Variants in SNTG1 observed in about 807,000 individuals in gnomAD.
SNTG1 encodes the protein gamma-1-syntrophin.
Under a neutral mutation model 74.7 loss-of-function variants are expected in SNTG1, and 39 were observed. The ratio of observed to expected loss-of-function variants is 0.52; its 90% CI spans 0.40 to 0.68. The LOEUF (loss-of-function observed/expected upper bound fraction) is 0.68. Among genes scored for constraint, SNTG1 ranks in the 30% least tolerant of loss-of-function variants. The probability of loss-of-function intolerance (pLI) is 0.00; values close to 1 mark genes in which losing one functional copy is unlikely to be tolerated. For synonymous variants in SNTG1, 254 were observed against 217.1 expected (o/e 1.17, Z -1.49); for missense variants, 685 against 609.5 (o/e 1.12, Z -1.30).
intron 1 of SNTG1, among the ~76,000 whole-genome samples, chr8:50,045,532 C>G (rs1219301997): frequency 1.3e-5 from 2 of 152,100 alleles, no homozygotes; most frequent in Non-Finnish European, 2.9e-5. Flanking sequence ...GATTACAATT[C>G]AACATAAGAT....
chr8:50,629,583 GTTAT>G (rs538821854), intron 13 of SNTG1, among the ~76,000 whole-genome samples: 80 of 152,008 alleles, frequency 5.3e-4, no homozygotes, highest in African/African-American at 1.5e-3. Flanking sequence ...ATGTCTGGAG[GTTAT>G]TTAAGTGTGT....
intron 8 of SNTG1, among the ~76,000 whole-genome samples, chr8:50,465,572 T>A (rs1026794191): frequency 6.6e-6 from 1 of 152,212 alleles, no homozygotes; most frequent in African/African-American, 2.4e-5. Context: ...ATAGTTTCAC[T>A]GCCCTAAAAA....
intron 2 of SNTG1, among the ~76,000 whole-genome samples, chr8:50,310,697 T>C (rs1278170626): frequency 2.0e-5 from 3 of 152,000 alleles, no homozygotes; most frequent in Non-Finnish European, 1.5e-5. Context: ...CCAAAATGAG[T>C]AAGTAAACAA....
At chr8:50,760,612 T>C (rs2095595729) in intron 18 of SNTG1, among the ~76,000 whole-genome samples, 1 of 151,332 alleles carries the variant, frequency 6.6e-6, no homozygotes, top group Non-Finnish European at 1.5e-5. Context: ...ATCAACAAAA[T>C]GGATAGACCT....
intron 9 of SNTG1, among the ~76,000 whole-genome samples, chr8:50,525,507 A>G (rs546742721): frequency 2.9e-4 from 44 of 152,138 alleles, no homozygotes; most frequent in Non-Finnish European, 5.6e-4. Flanking sequence ...TAAAGTGTCT[A>G]TTGGTCTGCT....
intron 13 of SNTG1, among the ~76,000 whole-genome samples, chr8:50,631,467 T>A (rs1170114804): frequency 1.3e-5 from 2 of 152,196 alleles, no homozygotes; most frequent in Admixed American, 1.3e-4. Context: ...TTCTTTTTAT[T>A]TTTTTGGAAT....
intron 2 of SNTG1, among the ~76,000 whole-genome samples, chr8:50,259,959 G>C (rs1487048763): frequency 6.6e-6 from 1 of 152,158 alleles, no homozygotes; most frequent in African/African-American, 2.4e-5. Context: ...AGGAGTACCT[G>C]TCTTAGAAGG....
chr8:50,676,924 C>T (rs936788056), intron 15 of SNTG1, among the ~76,000 whole-genome samples: 10 of 151,848 alleles, frequency 6.6e-5, no homozygotes, highest in African/African-American at 9.7e-5. Flanking sequence ...GTCACTTTAT[C>T]TCATTAAGAA....
At chr8:50,307,340 T>C (rs1378705715) in intron 2 of SNTG1, among the ~76,000 whole-genome samples, 1 of 152,068 alleles carries the variant, frequency 6.6e-6, no homozygotes, top group African/African-American at 2.4e-5. Context: ...TTAAGCACTG[T>C]TCAACACAAT....
chr8:50,090,068 A>G (rs1276145084), intron 1 of SNTG1, among the ~76,000 whole-genome samples: 1 of 152,256 alleles, frequency 6.6e-6, no homozygotes, highest in Non-Finnish European at 1.5e-5. Flanking sequence ...AGTAACACAT[A>G]GAAATTAAAC....
At chr8:50,048,173 T>C (rs918421020) in intron 1 of SNTG1, among the ~76,000 whole-genome samples, 1 of 152,194 alleles carries the variant, frequency 6.6e-6, no homozygotes, top group African/African-American at 2.4e-5. Flanking sequence ...CAGGCAAATT[T>C]ATTAAATCTT....
At chr8:50,699,953 G>T (rs2095417920) in intron 15 of SNTG1, among the ~76,000 whole-genome samples, 1 of 151,974 alleles carries the variant, frequency 6.6e-6, no homozygotes, top group African/African-American at 2.4e-5. Context: ...TTCCACTTTA[G>T]TGATGAGTGA....
intron 4 of SNTG1, among the ~76,000 whole-genome samples, chr8:50,421,879 A>G (rs552771135): frequency 8.3e-4 from 127 of 152,318 alleles, no homozygotes; most frequent in African/African-American, 2.6e-3. Context: ...TCTTGAAATT[A>G]CAGACATAAT....
chr8:49,974,825 T>G (rs1030264461), intron 1 of SNTG1, among the ~76,000 whole-genome samples: 5 of 152,204 alleles, frequency 3.3e-5, no homozygotes, highest in African/African-American at 1.2e-4. Context: ...GCCACATATG[T>G]TAATATATAT....
chr8:50,044,580 C>A (rs1818917692), intron 1 of SNTG1, among the ~76,000 whole-genome samples: 1 of 152,138 alleles, frequency 6.6e-6, no homozygotes, highest in African/African-American at 2.4e-5. Context: ...GGAGGTGTGG[C>A]ATGGAGCCTA....
rs180716718 is a variant in SNTG1 at position 50,572,501 on chromosome 8, C to T, written c.811-18378C>T. ...TAGGAAAATAAAGTTTAAGAAAGCT[C>T]ACTCAGATATAATATCTAATCATCC... On this transcript the variant is annotated intron_variant, in intron 12 of 18. Transcript: ENST00000642720. Among the ~76,000 whole-genome samples, 7 of 152,150 alleles carry T rather than the reference C, an allele frequency of 4.6e-5. No individual in the cohort carries two copies. The South Asian group carries it at 8.3e-4, about 18-fold the overall frequency.
intron 18 of SNTG1, among the ~76,000 whole-genome samples, chr8:50,785,869 C>A (rs1379511553): frequency 6.6e-6 from 1 of 151,848 alleles, no homozygotes; most frequent in African/African-American, 2.4e-5. Flanking sequence ...ATCTTAAAAT[C>A]AATCAGAGCA....
At chr8:50,681,658 C>T (rs1184256800) in intron 15 of SNTG1, among the ~76,000 whole-genome samples, 4 of 152,050 alleles carry the variant, frequency 2.6e-5, no homozygotes, top group Middle Eastern at 3.2e-3. Context: ...AGAGGAGGAC[C>T]GAAAGCCTCA....
At chr8:50,121,064 A>G (rs1563624643) in intron 1 of SNTG1, among the ~76,000 whole-genome samples, 1 of 142,416 alleles carries the variant, frequency 7.0e-6, no homozygotes, top group African/African-American at 2.5e-5. Context: ...ATTTATTTTT[A>G]TTTAAGAATA....
Sources: gnomAD v4.1 joint callset for allele counts (sites outside exome capture counted in the v4.1 genomes callset) on GRCh38, gnomAD v4.1.1 for gene constraint, MANE v1.5 for transcripts, NCBI Gene and HGNC (gene_info 2026-07-23, HGNC 2026-07-21) for gene names.